Variants in TMPRSS15 observed in about 807,000 individuals in gnomAD.
TMPRSS15 encodes enteropeptidase.
In TMPRSS15, 128 loss-of-function variants were observed where a neutral mutation model predicts 125.3. The observed-to-expected ratio is 1.02, with a 90% confidence interval of 0.89 to 1.18. The LOEUF (loss-of-function observed/expected upper bound fraction) is 1.18. Among genes scored for constraint, TMPRSS15 ranks in the 50% most tolerant of loss-of-function variants. TMPRSS15 has a pLI of 0.00. For synonymous variants in TMPRSS15, 446 were observed against 423.2 expected (o/e 1.05, Z -0.66); for missense variants, 1,283 against 1,212.7 (o/e 1.06, Z -0.86).
At chr21:18,388,387 TA>T (rs1233488321) in intron 3 of TMPRSS15, among the ~76,000 whole-genome samples, 3 of 152,184 alleles carry the variant, frequency 2.0e-5, no homozygotes, top group Non-Finnish European at 4.4e-5. Flanking sequence ...ACTTACTAAA[TA>T]TCAGAAAAAT....
intron 6 of TMPRSS15, among the ~76,000 whole-genome samples, chr21:18,366,251 C>A (rs1200557979): frequency 4.6e-5 from 7 of 152,004 alleles, no homozygotes; most frequent in African/African-American, 1.7e-4. Flanking sequence ...AGAATAAGGC[C>A]AGGAAAATGT....
intron 1 of TMPRSS15, among the ~76,000 whole-genome samples, chr21:18,466,438 T>C (rs1196733645): frequency 6.6e-6 from 1 of 151,472 alleles, no homozygotes; most frequent in Non-Finnish European, 1.5e-5. Flanking sequence ...AAACAGCTTC[T>C]GCACAGCAAA....
intron 16 of TMPRSS15, 43 bp downstream of exon 16, chr21:18,326,389 G>C (rs1189937596): frequency 1.2e-5 from 19 of 1,613,406 alleles, no homozygotes; most frequent in African/African-American, 2.7e-5. Flanking sequence ...TTGCTGTTTT[G>C]CTCCAAAAGT....
At chr21:18,293,445 G>A (rs1478560773) in intron 21 of TMPRSS15, among the ~76,000 whole-genome samples, 1 of 152,090 alleles carries the variant, frequency 6.6e-6, no homozygotes, top group Non-Finnish European at 1.5e-5. Flanking sequence ...ACTGACATAG[G>A]GACAGGAGAT....
chr21:18,432,658 G>T (rs542353857), intron 1 of TMPRSS15, among the ~76,000 whole-genome samples: 3 of 152,110 alleles, frequency 2.0e-5, no homozygotes, highest in African/African-American at 7.2e-5. Context: ...ACCAGGAGTC[G>T]GGAGAGTCAA....
chr21:18,398,164 G>GTT (rs1569056497), intron 2 of TMPRSS15, 35 bp downstream of exon 2: 8 of 1,612,030 alleles, frequency 5.0e-6, no homozygotes, highest in Non-Finnish European at 5.9e-6. Flanking sequence ...GTTAAACTGT[G>GTT]TTATAAAATT....
At chr21:18,470,596 G>A (rs1978758885) in intron 1 of TMPRSS15, among the ~76,000 whole-genome samples, 1 of 152,022 alleles carries the variant, frequency 6.6e-6, no homozygotes, top group Non-Finnish European at 1.5e-5. Flanking sequence ...ATGTTGTCAA[G>A]GTCTGCCCAG....
chr21:18,419,545 A>G (rs906125162), intron 1 of TMPRSS15, among the ~76,000 whole-genome samples: 2 of 151,982 alleles, frequency 1.3e-5, no homozygotes, highest in Non-Finnish European at 2.9e-5. Context: ...CTTTTTCTAA[A>G]AACTCTAACC....
At chr21:18,364,468 A>G (rs2075707353) in intron 7 of TMPRSS15, among the ~76,000 whole-genome samples, 1 of 152,132 alleles carries the variant, frequency 6.6e-6, no homozygotes, top group African/African-American at 2.4e-5. Flanking sequence ...AGGATCTCTT[A>G]TATTTATGTG....
At chr21:18,332,504 C>A (rs559232264) in intron 13 of TMPRSS15, among the ~76,000 whole-genome samples, 28 of 152,124 alleles carry the variant, frequency 1.8e-4, no homozygotes, top group African/African-American at 6.5e-4. Flanking sequence ...TTTATAGAAG[C>A]TGGATATTGG....
At chr21:18,353,147 C>A in intron 9 of TMPRSS15, 95 bp from the exon 10 acceptor site, 1 of 1,061,392 alleles carries the variant, frequency 9.4e-7, no homozygotes, top group Non-Finnish European at 1.4e-6. Flanking sequence ...CCTTATACAG[C>A]TTATACTTCA....
intron 21 of TMPRSS15, among the ~76,000 whole-genome samples, chr21:18,282,552 T>G (rs2074713765): frequency 1.3e-5 from 2 of 152,220 alleles, no homozygotes; most frequent in Non-Finnish European, 1.5e-5. Context: ...ATTACTATGT[T>G]TGGTCAGGTA....
chr21:18,472,458 TATATA>T (rs1348058693), intron 1 of TMPRSS15, among the ~76,000 whole-genome samples: 2 of 4,752 alleles, frequency 4.2e-4, no homozygotes, highest in Non-Finnish European at 1.2e-3. Context: ...AAAAGAATTA[TATATA>T]TATATATATA....
intron 14 of TMPRSS15, among the ~76,000 whole-genome samples, chr21:18,329,949 T>C (rs960276632): frequency 5.3e-5 from 8 of 152,134 alleles, no homozygotes; most frequent in Non-Finnish European, 7.4e-5. Flanking sequence ...TATTTTCTGC[T>C]CTTTTCTCAG....
rs147115430 is a variant in TMPRSS15 at position 18,323,703 on chromosome 21, T to C, written c.1921+2729A>G. On this transcript the variant is annotated intron_variant, in intron 16 of 24. Coordinates refer to ENST00000284885, the MANE Select transcript of TMPRSS15 (RefSeq NM_002772.3). ...CTATTTATCTCAGTTTCTTTAAAAG[T>C]ATAATACTTCTTTCAAAAATCCTTT... 1.9e-3 allele frequency among the ~76,000 whole-genome samples: 297 copies of C among 152,326 alleles called. 1 individual carries two copies. The highest frequency in any genetic ancestry group is 3.2e-3 in the Non-Finnish European group (220 of 68,030).
At chr21:18,379,192 T>A (rs2075869787) in intron 5 of TMPRSS15, 91 bp downstream of exon 5, 4 of 513,066 alleles carry the variant, frequency 7.8e-6, no homozygotes, top group Non-Finnish European at 1.3e-5. Context: ...TATTTATTGC[T>A]AAGGCACCAG....
At chr21:18,289,085 A>G (rs959385667) in intron 21 of TMPRSS15, among the ~76,000 whole-genome samples, 4 of 152,338 alleles carry the variant, frequency 2.6e-5, no homozygotes, top group African/African-American at 9.6e-5. Flanking sequence ...GAGACATTCA[A>G]AAAAATCCAA....
intron 4 of TMPRSS15, among the ~76,000 whole-genome samples, chr21:18,382,763 C>T (rs1293048125): frequency 6.6e-6 from 1 of 152,066 alleles, no homozygotes. Context: ...GGGATTGAAT[C>T]TGGATGACCT....
chr21:18,358,511 T>C (rs991320244), intron 8 of TMPRSS15, among the ~76,000 whole-genome samples: 1 of 151,972 alleles, frequency 6.6e-6, no homozygotes, highest in Non-Finnish European at 1.5e-5. Context: ...AAATAGATTA[T>C]GAAATGGTTG....
Sources: gnomAD v4.1 joint callset for allele counts (sites outside exome capture counted in the v4.1 genomes callset) on GRCh38, gnomAD v4.1.1 for gene constraint, MANE v1.5 for transcripts, NCBI Gene and HGNC (gene_info 2026-07-23, HGNC 2026-07-21) for gene names.